The following P3H2 variants were observed in gnomAD, a reference collection of about 807,000 sequenced individuals.
P3H2 encodes prolyl 3-hydroxylase 2.
In P3H2, 80 loss-of-function variants were observed where a neutral mutation model predicts 87.0. That is an observed-to-expected ratio of 0.92 (90% CI 0.77 to 1.11). The LOEUF (loss-of-function observed/expected upper bound fraction) is 1.11. Among genes scored for constraint, P3H2 ranks in the 50% least tolerant of loss-of-function variants. The pLI is 0.00. For synonymous variants in P3H2, 367 were observed against 359.3 expected (o/e 1.02, Z -0.24); for missense variants, 1,001 against 923.9 (o/e 1.08, Z -1.08).
chr3:189,993,852 A>T (rs1577260038), intron 3 of P3H2, among the ~76,000 whole-genome samples: 2 of 152,108 alleles, frequency 1.3e-5, no homozygotes, highest in South Asian at 4.1e-4. Flanking sequence ...TTTTATAAAA[A>T]ATGAAATAAT....
intron 1 of P3H2, among the ~76,000 whole-genome samples, chr3:190,067,623 C>T (rs917305387): frequency 6.6e-6 from 1 of 152,162 alleles, no homozygotes; most frequent in East Asian, 1.9e-4. Flanking sequence ...CACCTCCCCT[C>T]CAGCCATAAA....
At chr3:190,038,400 G>C (rs1324966635) in intron 1 of P3H2, among the ~76,000 whole-genome samples, 1 of 146,302 alleles carries the variant, frequency 6.8e-6, no homozygotes, top group African/African-American at 2.5e-5. Context: ...CCAAACACCA[G>C]ATACACCCCT....
At chr3:190,035,825 G>A (rs1420253862) in intron 1 of P3H2, among the ~76,000 whole-genome samples, 2 of 152,134 alleles carry the variant, frequency 1.3e-5, no homozygotes, top group Non-Finnish European at 2.9e-5. Flanking sequence ...ATACCGGAAT[G>A]TCTTATTAGA....
intron 2 of P3H2, 54 bp from the exon 3 acceptor site, chr3:189,994,337 A>AAACAAAC: frequency 1.0e-6 from 1 of 973,870 alleles, no homozygotes; most frequent in Non-Finnish European, 1.6e-6. Context: ...AACAAACAAA[A>AAACAAAC]AAACCCTTAT....
At chr3:189,961,945 A>G (rs1722827446) in intron 14 of P3H2, among the ~76,000 whole-genome samples, 1 of 152,172 alleles carries the variant, frequency 6.6e-6, no homozygotes, top group African/African-American at 2.4e-5. Context: ...TAGTGAGGTA[A>G]TATTTCAATA....
At chr3:190,001,242 G>A (rs1229306863) in intron 1 of P3H2, among the ~76,000 whole-genome samples, 2 of 152,124 alleles carry the variant, frequency 1.3e-5, no homozygotes, top group Non-Finnish European at 2.9e-5. Flanking sequence ...TGTAAGGCAC[G>A]TGCAACAAAG....
In P3H2 at chr3:189,967,135, C is replaced by T. The variant is rs77900268; in HGVS notation, c.1894-3037G>A. Among the ~76,000 whole-genome samples, 1,109 of 152,072 alleles carry T rather than the reference C, an allele frequency of 7.3e-3. 12 individuals carry two copies. Among genetic ancestry groups the T allele is most frequent in the African/African-American group, 0.025 (1,049 of 41,462 alleles). ...GTGGGGAAAGATAAGAACTGCCTTA[C>T]GTAAGAATTTTAGTTATCTACGTTA... On this transcript the variant is annotated intron_variant, in intron 13 of 14. Transcript: ENST00000319332.
rs1466923556 is a variant in P3H2 at position 189,983,131 on chromosome 3, T to C, written c.1239A>G (p.Ser413=). ...GGRQDENRVP[S]GVNVEGAEVH... ...CTTCTGCTCCCTCTACGTTCACTCC[T>C]GAAGGGACCCTGCCCATTCAAAAAA... The change falls in exon 8 of 15, where the codon TCA becomes TCG. Residue 413 remains serine, a synonymous_variant. Coordinates refer to ENST00000319332, the MANE Select transcript of P3H2 (RefSeq NM_018192.4). 6.2e-7 allele frequency: 1 copy of C among 1,613,604 alleles called. No homozygotes were observed. The highest frequency in any genetic ancestry group is 1.1e-5 in the South Asian group (1 of 91,070).
intron 3 of P3H2, among the ~76,000 whole-genome samples, chr3:189,992,887 T>C (rs1398631740): frequency 6.6e-6 from 1 of 152,238 alleles, no homozygotes; most frequent in Non-Finnish European, 1.5e-5. Context: ...ATGAAATATA[T>C]TAACACTTTG....
intron 1 of P3H2, among the ~76,000 whole-genome samples, chr3:190,002,166 A>G (rs1309717200): frequency 6.6e-6 from 1 of 152,060 alleles, no homozygotes; most frequent in Non-Finnish European, 1.5e-5. Flanking sequence ...GATGATGTTA[A>G]TACATTAATA....
intron 1 of P3H2, among the ~76,000 whole-genome samples, chr3:190,034,375 T>C (rs1183083351): frequency 6.6e-6 from 1 of 152,226 alleles, no homozygotes; most frequent in Non-Finnish European, 1.5e-5. Flanking sequence ...CAATAATTTG[T>C]CTCACTATTT....
At position 190,012,095 on chromosome 3, in the gene P3H2, A is replaced by G. The variant is rs553951948; in HGVS notation, c.481-16653T>C. Among the ~76,000 whole-genome samples the G allele has an allele frequency of 9.8e-5, 15 of 152,306 alleles. No individual in the cohort carries two copies. The East Asian group carries it at 2.9e-3, about 29-fold the overall frequency. On this transcript the variant is annotated intron_variant, in intron 1 of 14. Transcript: ENST00000319332. Reference sequence around the variant, plus strand: ...TTCCTAAATAAATATTTCAAGCATGAAAGGGCTTCATCTTGAAATTGGGAC... The same window carrying G: ...TTCCTAAATAAATATTTCAAGCATGGAAGGGCTTCATCTTGAAATTGGGAC...
chr3:189,970,756 A>G, intron 13 of P3H2, 60 bp downstream of exon 13: 6 of 983,612 alleles, frequency 6.1e-6, no homozygotes, highest in Non-Finnish European at 8.2e-6. Context: ...AAGTACTTAG[A>G]AAAATGGCAA....
intron 14 of P3H2, among the ~76,000 whole-genome samples, chr3:189,958,349 G>A (rs1371112771): frequency 2.6e-5 from 4 of 151,980 alleles, no homozygotes; most frequent in Admixed American, 2.6e-4. Flanking sequence ...CTTCACGTAG[G>A]CTCTCTCTCG....
rs1722653026 is a variant in P3H2 at position 189,957,001 on chromosome 3, C to T, written c.*911G>A. ...CCATTCTACTACAACCTCTACATGA[C>T]CTTTTAAAGTGTACAACTTATAGGA... On this transcript the variant is annotated 3_prime_UTR_variant, in exon 15 of 15. Transcript: ENST00000319332. The T allele has an allele frequency of 2.5e-6, 1 of 397,774 alleles. No individual in the cohort carries two copies. Among genetic ancestry groups the T allele is most frequent in the African/African-American group, 2.1e-5 (1 of 48,592 alleles). The allele number at this position is 397,774 out of a possible 1,614,324, so 24.6% of individuals were successfully genotyped here.
intron 1 of P3H2, among the ~76,000 whole-genome samples, chr3:190,109,430 C>A (rs190664854): frequency 1.3e-5 from 2 of 152,088 alleles, no homozygotes; most frequent in Admixed American, 1.3e-4. Context: ...AGAGCTAACC[C>A]AAAGAAAACG....
chr3:189,974,680 GACC>G lies in P3H2; in HGVS notation c.1327_1329del (p.Gly443del). The G allele has an allele frequency of 6.2e-7, 1 of 1,614,134 alleles. No homozygotes were observed. The highest frequency in any genetic ancestry group is 2.2e-5 in the East Asian group (1 of 44,872). On this transcript the variant is annotated inframe_deletion and splice_region_variant, in exon 9 of 15. Transcript: ENST00000319332. ...AATGTGATGTTCTCATAGAGTAGAG[GACC>G]ACCTACAGGAACAGAGCACATTGTC...
At chr3:189,984,206 C>T (rs1213000255) in intron 7 of P3H2, among the ~76,000 whole-genome samples, 1 of 152,074 alleles carries the variant, frequency 6.6e-6, no homozygotes, top group African/African-American at 2.4e-5. Flanking sequence ...GGGAATTCAC[C>T]ATCAAAAACC....
At chr3:189,986,977 A>G in intron 5 of P3H2, 100 bp from the exon 6 acceptor site, 1 of 799,078 alleles carries the variant, frequency 1.3e-6, no homozygotes, top group East Asian at 2.5e-5. Flanking sequence ...ATAGTCACAA[A>G]TGAGCTAACA....
Sources: gnomAD v4.1 joint callset for allele counts (sites outside exome capture counted in the v4.1 genomes callset) on GRCh38, gnomAD v4.1.1 for gene constraint, MANE v1.5 for transcripts, NCBI Gene and HGNC (gene_info 2026-07-23, HGNC 2026-07-21) for gene names.